DEUP1: variants seen among roughly 807,000 people sequenced by gnomAD.
DEUP1 encodes the protein coiled-coil domain containing 67.
A neutral mutation model predicts 87.4 loss-of-function variants in DEUP1; 82 were observed. The ratio of observed to expected loss-of-function variants is 0.94; its 90% CI spans 0.78 to 1.13. The LOEUF (loss-of-function observed/expected upper bound fraction) is 1.13. Ranked by LOEUF, DEUP1 falls within the 50% of genes most tolerant of loss-of-function variation. DEUP1 has a pLI of 0.00. For synonymous variants in DEUP1, 214 were observed against 222.7 expected (o/e 0.96, Z 0.35); for missense variants, 663 against 681.5 (o/e 0.97, Z 0.30).
chr11:93,427,371 G>C (rs1420921144), intron 13 of DEUP1, among the ~76,000 whole-genome samples: 1 of 151,932 alleles, frequency 6.6e-6, no homozygotes, highest in East Asian at 1.9e-4. Flanking sequence ...ATAAGCAATG[G>C]GGAAAGGATT....
At chr11:93,420,446 A>G (rs1470274581) in intron 13 of DEUP1, among the ~76,000 whole-genome samples, 2 of 152,142 alleles carry the variant, frequency 1.3e-5, no homozygotes, top group East Asian at 1.9e-4. Context: ...ACAAACCCAT[A>G]GCCAATATCA....
intron 2 of DEUP1, among the ~76,000 whole-genome samples, chr11:93,339,899 C>A (rs1047462306): frequency 4.6e-5 from 7 of 152,158 alleles, no homozygotes; most frequent in African/African-American, 1.7e-4. Flanking sequence ...GAACTTCCAC[C>A]ACTGTCTGGC....
At chr11:93,395,640 G>C (rs1469013802) in intron 10 of DEUP1, among the ~76,000 whole-genome samples, 1 of 152,066 alleles carries the variant, frequency 6.6e-6, no homozygotes, top group Non-Finnish European at 1.5e-5. Flanking sequence ...GCATAAATTG[G>C]TAATTTACAA....
chr11:93,415,122 G>T lies in DEUP1; in HGVS notation c.1638+8G>T, dbSNP rs1181976099. The stretch of plus-strand genomic sequence containing the variant: ...GATGATGTATTCCCACTGGTGAGTT[G>T]CTGGTTGTGGGCTTTTTTTTTCTTT... On this transcript the variant is annotated splice_region_variant and intron_variant, in intron 13 of 13. Coordinates refer to ENST00000298050, the MANE Select transcript of DEUP1 (RefSeq NM_181645.4). The T allele has an allele frequency of 5.1e-6, 8 of 1,571,594 alleles. No homozygotes were observed. The highest frequency in any genetic ancestry group is 7.0e-6 in the Non-Finnish European group (8 of 1,143,964).
At chr11:93,342,477 C>T (rs997613355) in intron 2 of DEUP1, among the ~76,000 whole-genome samples, 6 of 152,186 alleles carry the variant, frequency 3.9e-5, no homozygotes, top group Non-Finnish European at 5.9e-5. Context: ...GTTTTGTCCA[C>T]AGGAAACCAG....
intron 2 of DEUP1, among the ~76,000 whole-genome samples, chr11:93,337,456 G>A (rs1169693400): frequency 6.6e-6 from 1 of 151,974 alleles, no homozygotes; most frequent in African/African-American, 2.4e-5. Flanking sequence ...TTTAAATTTG[G>A]TTAATTCCCT....
chr11:93,382,925 C>G (rs1217220680), intron 7 of DEUP1, among the ~76,000 whole-genome samples: 4 of 152,164 alleles, frequency 2.6e-5, no homozygotes, highest in Non-Finnish European at 5.9e-5. Context: ...CAATTTGAAT[C>G]TTTTTATATT....
chr11:93,437,384 A>G, intron 13 of DEUP1, 159 bp from the exon 14 acceptor site: 1 of 569,128 alleles, frequency 1.8e-6, no homozygotes, highest in East Asian at 2.8e-5. Flanking sequence ...CATTAGTGGT[A>G]ACTGAATTAC....
At chr11:93,351,571 G>A (rs1197017528) in intron 2 of DEUP1, among the ~76,000 whole-genome samples, 1 of 152,146 alleles carries the variant, frequency 6.6e-6, no homozygotes, top group Non-Finnish European at 1.5e-5. Flanking sequence ...AAATGGTGTG[G>A]AAACACCAGG....
intron 13 of DEUP1, among the ~76,000 whole-genome samples, chr11:93,415,868 A>C (rs954621404): frequency 2.0e-5 from 3 of 151,996 alleles, no homozygotes; most frequent in African/African-American, 7.3e-5. Flanking sequence ...ACATTCAATG[A>C]CAATAAAATT....
At chr11:93,406,222 G>A (rs1947271770) in intron 11 of DEUP1, among the ~76,000 whole-genome samples, 1 of 151,870 alleles carries the variant, frequency 6.6e-6, no homozygotes, top group South Asian at 2.1e-4. Context: ...AAAATTGAGT[G>A]TCTCCTACCA....
At chr11:93,381,841 A>G (rs1946318833) in intron 7 of DEUP1, among the ~76,000 whole-genome samples, 2 of 152,298 alleles carry the variant, frequency 1.3e-5, no homozygotes, top group South Asian at 4.1e-4. Flanking sequence ...TATTTTATTC[A>G]ACCCACTATA....
intron 8 of DEUP1, 121 bp from the exon 9 acceptor site, chr11:93,388,899 A>C: frequency 1.7e-6 from 1 of 587,192 alleles, no homozygotes; most frequent in South Asian, 2.5e-5. Context: ...GTAACTAAAA[A>C]TGTTTCCAAC....
intron 2 of DEUP1, among the ~76,000 whole-genome samples, chr11:93,347,376 C>T (rs978121718): frequency 1.3e-5 from 2 of 152,112 alleles, no homozygotes; most frequent in African/African-American, 2.4e-5. Context: ...CCTACTTGAG[C>T]GTGGTGGATA....
At chr11:93,383,570 G>T (rs1946401104) in intron 7 of DEUP1, 1 of 658,818 alleles carries the variant, frequency 1.5e-6, no homozygotes, top group African/African-American at 1.8e-5. Context: ...TGACTAAATT[G>T]AAAACTGCTG....
chr11:93,389,187 G>A, intron 9 of DEUP1, 62 bp downstream of exon 9: 1 of 927,060 alleles, frequency 1.1e-6, no homozygotes, highest in Admixed American at 3.2e-5. Context: ...TACAAAGGGA[G>A]TTAAAAAAAA....
intron 2 of DEUP1, among the ~76,000 whole-genome samples, chr11:93,353,577 C>T (rs571718757): frequency 8.9e-4 from 135 of 152,320 alleles, no homozygotes; most frequent in Middle Eastern, 3.4e-3. Context: ...GTGAGGGCCC[C>T]GCCCCGAAGC....
At chr11:93,391,073 C>T (rs563520511) in intron 9 of DEUP1, among the ~76,000 whole-genome samples, 12 of 139,412 alleles carry the variant, frequency 8.6e-5, no homozygotes, top group South Asian at 2.4e-4. Context: ...CAGAGCAAGA[C>T]TCTGTCTCAG....
At chr11:93,344,070 T>G (rs1230332521) in intron 2 of DEUP1, among the ~76,000 whole-genome samples, 1 of 152,188 alleles carries the variant, frequency 6.6e-6, no homozygotes, top group Non-Finnish European at 1.5e-5. Context: ...CAATAATTAA[T>G]TTTAAACAAG....
Sources: allele counts gnomAD v4.1 joint callset (sites outside exome capture counted in the v4.1 genomes callset), GRCh38; gene constraint gnomAD v4.1.1; transcripts MANE v1.5; gene names NCBI Gene and HGNC (gene_info 2026-07-23, HGNC 2026-07-21).